The following IPO4 variants were observed in gnomAD, a reference collection of about 807,000 sequenced individuals.
The protein encoded by IPO4 is importin 4, also known as importin-4.
Under a neutral mutation model 133.5 loss-of-function variants are expected in IPO4, and 91 were observed. That is an observed-to-expected ratio of 0.68 (90% CI 0.58 to 0.81). IPO4 has a LOEUF of 0.81. IPO4 is among the 30% of genes least tolerant of loss of function. The probability of loss-of-function intolerance (pLI) is 0.00; values close to 1 mark genes in which losing one functional copy is unlikely to be tolerated. For missense variants in IPO4, 1,279 were observed against 1,386.2 expected, an observed-to-expected ratio of 0.92 and a Z score of 1.23; for synonymous variants, 607 against 581.6, an observed-to-expected ratio of 1.04 and a Z score of -0.63.
Position 24,181,753 on chromosome 14 carries a change from G to A in IPO4, c.2898C>T (p.Ala966=), listed in dbSNP as rs748926988. 8 of 1,601,954 alleles carry A rather than the reference G, an allele frequency of 5.0e-6. No homozygotes were observed. The highest frequency in any genetic ancestry group is 1.3e-5 in the African/African-American group (1 of 74,740). The change falls in exon 27 of 30, where the codon GCC becomes GCT. Residue 966 remains alanine, a synonymous_variant. Coordinates refer to ENST00000354464, the MANE Select transcript of IPO4 (RefSeq NM_024658.4). The part of the protein sequence containing the change: ...RVRDNICGAL[A]RLLMASPTRK... ...TGGTGGGACTGGCCATCAACAGGCG[G>A]GCAAGTGCCCCACAGATGTTGTCAC...
exon 1 of IPO4, chr14:24,188,812 GGGCCGAAAA>G: frequency 6.8e-7 from 1 of 1,477,690 alleles, no homozygotes; most frequent in Non-Finnish European, 9.0e-7. Flanking sequence ...CGCCGCTACT[GGGCCGAAAA>G]GGGGAGGGGG....
rs1215945755 is a variant in IPO4 at position 24,186,922 on chromosome 14, C to A, written c.712G>T (p.Val238Phe). The change falls in exon 8 of 30, where the codon GTC (valine) becomes TTC (phenylalanine). Residue 238 changes from valine (V) to phenylalanine (F), a missense_variant. Transcript: ENST00000354464. The part of the protein sequence containing the change: ...LDELLESEVP[V>F]ITPYLSEVLT... ...ACTTCAGAGAGGTAGGGGGTGATGA[C>A]CGGCACCTCTGACTCCAACAGTTCA... The A allele has an allele frequency of 1.2e-6, 2 of 1,614,044 alleles. No individual in the cohort carries two copies. Among genetic ancestry groups the A allele is most frequent in the African/African-American group, 2.7e-5 (2 of 74,912 alleles).
rs2039106538 is a variant in IPO4 at position 24,180,321 on chromosome 14, G to A, written c.*121C>T. Reference sequence around the variant, plus strand: ...GACAGCCCTGTAAGGCAGCAAGTGGGGCTGGCTCCAAATGGGTATGAGTCT... The same window carrying A: ...GACAGCCCTGTAAGGCAGCAAGTGGAGCTGGCTCCAAATGGGTATGAGTCT... On this transcript the variant is annotated 3_prime_UTR_variant, in exon 30 of 30. Transcript: ENST00000354464. 6.7e-6 allele frequency: 10 copies of A among 1,502,440 alleles called. No individual in the cohort carries two copies. Among genetic ancestry groups the A allele is most frequent in the Non-Finnish European group, 7.2e-6 (8 of 1,117,690 alleles). 93.1% of individuals were successfully genotyped at this position (1,502,440 alleles called of 1,614,324 possible). A position where few individuals can be genotyped will look rare whatever the true frequency, so the allele number is the denominator to read the frequency against.
chr14:24,180,459 C>A lies in IPO4; in HGVS notation c.3229G>T (p.Val1077Leu), dbSNP rs370925111. The part of the protein sequence containing the change: ...PVDKAQELQA[V>L]LGLS ...CCTGCAGTCTAGGAGAGGCCCAGTA[C>A]AGCCTGGAGCTCCTGAGCCTTGTCA... Residue 1077 changes from valine to leucine, a missense_variant, in exon 30 of 30, where the codon GTA (valine) becomes TTA (leucine). By Grantham distance (32) the Val-to-Leu change is conservative. Transcript: ENST00000354464. The A allele has an allele frequency of 1.9e-6, 3 of 1,611,950 alleles. No individual in the cohort carries two copies. The African/African-American group carries it at 4.0e-5, about 22-fold the overall frequency.
rs752790104 is a variant in IPO4 at position 24,186,955 on chromosome 14, C to T, written c.679G>A (p.Ala227Thr). Residue 227 changes from alanine to threonine, a missense_variant, in exon 8 of 30, where the codon GCT becomes ACT. Ala to Thr is a moderately conservative substitution (Grantham distance 58, BLOSUM62 0). Around this residue, in one of 3 missense-constraint regions of IPO4, gnomAD observed 695 missense variants for 704.1 expected, o/e 0.99. Coordinates refer to ENST00000354464, the MANE Select transcript of IPO4 (RefSeq NM_024658.4). ...TCTGACTCCAACAGTTCATCCAAAG[C>T]CTCAAGGGCCTCACAGGCCTTTGCC... ...DEAKACEALE[A>T]LDELLESEVP... The T allele has an allele frequency of 6.2e-7, 1 of 1,614,154 alleles. No homozygotes were observed. Among genetic ancestry groups the T allele is most frequent in the Non-Finnish European group, 8.5e-7 (1 of 1,180,022 alleles).
Position 24,186,344 on chromosome 14 carries a change from T to C in IPO4, c.948A>G (p.Glu316=). Residue 316 remains glutamate, a synonymous_variant, in exon 10 of 30, where the codon GAA becomes GAG. Coordinates refer to ENST00000354464, the MANE Select transcript of IPO4 (RefSeq NM_024658.4). ...GQLDPEDQDS[E]EEELEIELMG... The stretch of plus-strand genomic sequence containing the variant: ...TCAGCTCAATCTCCAACTCTTCCTC[T>C]TCTGAATCCTGGTCCTCGGGATCCA... The C allele has an allele frequency of 1.2e-6, 2 of 1,613,048 alleles. No homozygotes were observed. The highest frequency in any genetic ancestry group is 2.2e-5 in the South Asian group (2 of 90,856).
chr14:24,184,955 C>T lies in IPO4; in HGVS notation c.1434G>A (p.Pro478=), dbSNP rs755102145. The change falls in exon 15 of 30, where the codon CCG becomes CCA. Residue 478 remains proline (P), a synonymous_variant. Coordinates refer to ENST00000354464, the MANE Select transcript of IPO4 (RefSeq NM_024658.4). ...NLGPKVQPYL[P]ELMECMLQLL... is the part of the protein sequence containing the mutation. ...GCTGCAGCATGCATTCCATAAGCTC[C>T]GGAAGGTAGGGCTGCACCTTGGGCC... is the stretch of plus-strand genomic sequence containing the variant. 151 of 1,613,858 alleles carry T rather than the reference C, an allele frequency of 9.4e-5. No individual in the cohort carries two copies. The highest frequency in any genetic ancestry group is 1.2e-4 in the Non-Finnish European group (142 of 1,179,992).
rs575589281 is a variant in IPO4 at position 24,185,285 on chromosome 14, C to T, written c.1306G>A (p.Val436Ile). The T allele has an allele frequency of 6.2e-7, 1 of 1,614,146 alleles. No individual in the cohort carries two copies. The highest frequency in any genetic ancestry group is 1.3e-5 in the African/African-American group (1 of 75,060). Residue 436 changes from valine to isoleucine, a missense_variant, in exon 14 of 30, where the codon GTA becomes ATA. Physicochemically the swap from Val to Ile is conservative, Grantham distance 29. This residue lies in a region of IPO4 where 695 missense variants were observed against 704.1 expected (regional missense o/e 0.99). Coordinates refer to ENST00000354464, the MANE Select transcript of IPO4 (RefSeq NM_024658.4). ...AAGTAGGCGAGGAGCAGTGGCATTA[C>T]CTCCCTTGAATAGCTGCTGATATGG... is the stretch of plus-strand genomic sequence containing the variant. ...QPHISSYSRE[V>I]MPLLLAYLKS...
chr14:24,184,143 C>T (rs779617956), intron 17 of IPO4, 34 bp from the exon 18 acceptor site: 1 of 1,598,398 alleles, frequency 6.3e-7, no homozygotes, highest in South Asian at 1.1e-5. Flanking sequence ...CTGTAAGGTC[C>T]TGCCTGCTAC....
chr14:24,180,778 G>T lies in IPO4; in HGVS notation c.3046-20C>A. On this transcript the variant is annotated intron_variant, in intron 28 of 29. Coordinates refer to ENST00000354464, the MANE Select transcript of IPO4 (RefSeq NM_024658.4). ...TATAACCTGTGAGGAAAGAGTGGCT[G>T]ACTCAGGGCAGCAGCCCCAGACCCC... The T allele has an allele frequency of 6.2e-7, 1 of 1,611,538 alleles. No individual in the cohort carries two copies. The highest frequency in any genetic ancestry group is 1.1e-5 in the South Asian group (1 of 90,808).
Position 24,187,781 on chromosome 14 carries a change from G to A in IPO4, c.294C>T (p.Leu98=). 6.2e-7 allele frequency: 1 copy of A among 1,614,216 alleles called. No homozygotes were observed. The highest frequency in any genetic ancestry group is 8.5e-7 in the Non-Finnish European group (1 of 1,180,038). Residue 98 remains leucine, a synonymous_variant, in exon 5 of 30, where the codon CTC becomes CTT. Coordinates refer to ENST00000354464, the MANE Select transcript of IPO4 (RefSeq NM_024658.4). ...LQRETEHCVS[L]SLAQLSATIF... is the part of the protein sequence containing the mutation. ...TGGTGGCTGAGAGCTGGGCCAGGCT[G>A]AGGCTCACACAGTGCCTGCAAACAG...
Position 24,184,004 on chromosome 14 carries a change from GC to G in IPO4, c.1862del (p.Gly621AlafsTer65). Reference sequence around the variant, plus strand: ...CCACCCACCCTTTGCTCACCACAATGCCCTCGGTGGAACGCAGTGACAGCAG... The same window carrying G: ...CCACCCACCCTTTGCTCACCACAATGCCTCGGTGGAACGCAGTGACAGCAG... ...LMLLSLRSTE[G>X]IVPQYDGSSS... is the part of the protein sequence containing the mutation. On this transcript the variant is annotated frameshift_variant, in exon 18 of 30. Transcript: ENST00000354464. LOFTEE classifies it high-confidence loss of function. 1 of 965,970 alleles carries G rather than the reference GC, an allele frequency of 1.0e-6. No individual in the cohort carries two copies. Among genetic ancestry groups the G allele is most frequent in the Non-Finnish European group, 1.5e-6 (1 of 686,102 alleles). The allele number at this position is 965,970 out of a possible 1,614,324, so 59.8% of individuals were successfully genotyped here.
In IPO4 at chr14:24,187,128, G is replaced by C. The variant is rs1039518226; in HGVS notation, c.611C>G (p.Pro204Arg). The C allele has an allele frequency of 1.9e-6, 3 of 1,613,776 alleles. No homozygotes were observed. The East Asian group carries it at 6.7e-5, about 36-fold the overall frequency. Residue 204 changes from proline to arginine, a missense_variant, in exon 7 of 30, where the codon CCC becomes CGC. This residue lies in a region of IPO4 where 695 missense variants were observed against 704.1 expected (regional missense o/e 0.99). Coordinates refer to ENST00000354464, the MANE Select transcript of IPO4 (RefSeq NM_024658.4). ...AGTCTGCATGGCCATGATCAGCTTG[G>C]GCACCAACATCCGAGCGAGAGGCTG... ...EDVPLARMLVPKLIMAMQTLI... is the reference protein window; with the variant it reads ...EDVPLARMLVRKLIMAMQTLI...
chr14:24,186,671 G>C, intron 9 of IPO4, 37 bp downstream of exon 9: 1 of 1,560,072 alleles, frequency 6.4e-7, no homozygotes, highest in Non-Finnish European at 8.8e-7. Flanking sequence ...GGTGGAGATG[G>C]GGGTGGGGTG....
In IPO4 at chr14:24,186,786, A is replaced by G; in HGVS notation, c.762T>C (p.Ala254=). The G allele has an allele frequency of 6.2e-7, 1 of 1,614,136 alleles. No homozygotes were observed. The highest frequency in any genetic ancestry group is 8.5e-7 in the Non-Finnish European group (1 of 1,179,966). ...SEVLTFCLEV[A]RNVALGNAIR... ...TCGCATTGCCCAGGGCCACATTTCT[A>G]GCTACCTGTCCACAGAATAATAAAA... Residue 254 remains alanine (A), a synonymous_variant, in exon 9 of 30, where the codon GCT becomes GCC. Coordinates refer to ENST00000354464, the MANE Select transcript of IPO4 (RefSeq NM_024658.4).
At chr14:24,182,554 G>C in intron 24 of IPO4, 151 bp from the exon 25 acceptor site, 2 of 1,157,790 alleles carry the variant, frequency 1.7e-6, no homozygotes, top group Non-Finnish European at 2.5e-6. Context: ...CCATGACCCA[G>C]CTTCTTCCCC....
intron 15 of IPO4, 48 bp from the exon 16 acceptor site, chr14:24,184,811 C>G: frequency 6.2e-7 from 1 of 1,604,950 alleles, no homozygotes; most frequent in South Asian, 1.1e-5. Context: ...CAGGGACCAC[C>G]AGCCACAGGG....
chr14:24,183,068 C>T lies in IPO4; in HGVS notation c.2329G>A (p.Gly777Arg). The change falls in exon 23 of 30, where the codon GGG becomes AGG. Residue 777 changes from glycine (G) to arginine (R), a missense_variant. Coordinates refer to ENST00000354464, the MANE Select transcript of IPO4 (RefSeq NM_024658.4). Reference protein sequence around the residue: ...VVMAVLEALTGVLRSCGTLTL... With the variant: ...VVMAVLEALTRVLRSCGTLTL... ...AGGGTCCCACAGCTGCGGAGCACCCCTGTCAGGGCCTCCAGCACGGCCATC... is the reference window on the plus strand; with the variant it reads ...AGGGTCCCACAGCTGCGGAGCACCCTTGTCAGGGCCTCCAGCACGGCCATC... 2.0e-5 allele frequency: 33 copies of T among 1,613,800 alleles called. No individual in the cohort carries two copies. Among genetic ancestry groups the T allele is most frequent in the Non-Finnish European group, 2.8e-5 (33 of 1,179,980 alleles).
rs769015671 is a variant in IPO4 at position 24,187,403 on chromosome 14, A to G, written c.585T>C (p.Asp195=). The stretch of plus-strand genomic sequence containing the variant: ...ATAACGAGGGCCCACATCTCACCAC[A>G]TCTTCAGTGCTGAGGTAGGGAGCCA... ...TTMAPYLSTE[D]VPLARMLVPK... is the part of the protein sequence containing the mutation. The change falls in exon 6 of 30, where the codon GAT becomes GAC. Residue 195 remains aspartate (D), a synonymous_variant. Coordinates refer to ENST00000354464, the MANE Select transcript of IPO4 (RefSeq NM_024658.4). 1.2e-6 allele frequency: 2 copies of G among 1,614,034 alleles called. No individual in the cohort carries two copies. The highest frequency in any genetic ancestry group is 1.1e-5 in the South Asian group (1 of 91,070).
Sources: gnomAD v4.1 joint callset for allele counts on GRCh38, gnomAD v4.1.1 for gene constraint, gnomAD v4.1.1 regional missense constraint, MANE v1.5 for transcripts, NCBI Gene and HGNC (gene_info 2026-07-23, HGNC 2026-07-21) for gene names.